Variants in SUPT3H observed in about 807,000 individuals in gnomAD.
SUPT3H encodes transcription initiation protein SPT3 homolog.
Under a neutral mutation model 44.3 loss-of-function variants are expected in SUPT3H, and 44 were observed. The observed-to-expected ratio is 0.99, with a 90% CI of 0.78 to 1.28. The LOEUF is 1.28. SUPT3H is among the 50% of genes most tolerant of loss of function. The pLI is 0.00. For missense variants in SUPT3H, 380 were observed against 387.1 expected, an observed-to-expected ratio of 0.98 and a Z score of 0.15; for synonymous variants, 124 against 125.6, an observed-to-expected ratio of 0.99 and a Z score of 0.09.
At chr6:44,892,080 T>C (rs867167785) in intron 10 of SUPT3H, among the ~76,000 whole-genome samples, 1 of 152,138 alleles carries the variant, frequency 6.6e-6, no homozygotes, top group Non-Finnish European at 1.5e-5. Flanking sequence ...AGATAGTGAG[T>C]ACAAACCATC....
intron 10 of SUPT3H, among the ~76,000 whole-genome samples, chr6:44,841,714 T>C (rs905400960): frequency 2.6e-5 from 4 of 152,210 alleles, no homozygotes; most frequent in African/African-American, 9.7e-5. Flanking sequence ...TTAATGCATC[T>C]TTGGGTCTGC....
In SUPT3H at chr6:45,373,403, T is replaced by A. The variant is rs548142033; in HGVS notation, c.-1+4365A>T. Among the ~76,000 whole-genome samples the A allele has an allele frequency of 2.0e-5, 3 of 152,284 alleles. No homozygotes were observed. In the South Asian group the frequency reaches 6.2e-4, roughly 32 times the overall value. ...CCTATTAGGTGGGAATATGTTTGGA[T>A]AAATGAGATACAACGGAAGGAACAC... On this transcript the variant is annotated intron_variant, in intron 1 of 10. Transcript: ENST00000371459.
chr6:44,866,764 A>G (rs1332027027), intron 10 of SUPT3H, among the ~76,000 whole-genome samples: 1 of 151,830 alleles, frequency 6.6e-6, no homozygotes, highest in Non-Finnish European at 1.5e-5. Flanking sequence ...ACAGCCTTCA[A>G]TGGCTACTTG....
At chr6:44,900,972 G>C (rs556728194) in intron 10 of SUPT3H, among the ~76,000 whole-genome samples, 2 of 152,168 alleles carry the variant, frequency 1.3e-5, no homozygotes, top group African/African-American at 4.8e-5. Flanking sequence ...CTGACTGTTA[G>C]AAGGAAAACT....
At chr6:45,114,330 T>C (rs1322362053) in intron 2 of SUPT3H, among the ~76,000 whole-genome samples, 1 of 151,184 alleles carries the variant, frequency 6.6e-6, no homozygotes, top group African/African-American at 2.4e-5. Context: ...ACAATATAAC[T>C]AATGAATTAC....
chr6:45,359,140 A>C (rs1793793041), intron 2 of SUPT3H, among the ~76,000 whole-genome samples: 2 of 152,182 alleles, frequency 1.3e-5, no homozygotes, highest in Admixed American at 1.3e-4. Flanking sequence ...TCATGAGAGA[A>C]TTGATAGTAA....
chr6:45,289,764 GGATGA>G (rs1780000367), intron 2 of SUPT3H, among the ~76,000 whole-genome samples: 2 of 152,302 alleles, frequency 1.3e-5, no homozygotes, highest in South Asian at 4.1e-4. Context: ...TCACAGGTAA[GGATGA>G]GATATTTACT....
chr6:45,249,955 C>T (rs989710962), intron 2 of SUPT3H, among the ~76,000 whole-genome samples: 1 of 152,044 alleles, frequency 6.6e-6, no homozygotes, highest in Non-Finnish European at 1.5e-5. Flanking sequence ...GCTTATAAAC[C>T]CTAGACAAAA....
At chr6:45,131,350 T>C (rs1325731707) in intron 2 of SUPT3H, among the ~76,000 whole-genome samples, 1 of 152,188 alleles carries the variant, frequency 6.6e-6, no homozygotes, top group Non-Finnish European at 1.5e-5. Flanking sequence ...AAATTAAAAA[T>C]CTATTCACTC....
intron 2 of SUPT3H, among the ~76,000 whole-genome samples, chr6:45,265,535 A>C (rs1013717888): frequency 6.6e-6 from 1 of 152,118 alleles, no homozygotes; most frequent in Admixed American, 6.6e-5. Context: ...CCTTGAGCTA[A>C]GCCAAGAAAA....
In SUPT3H at chr6:45,054,623, ATC is replaced by A. The variant is rs540369824; in HGVS notation, c.187-33993_187-33992del. ...CTTGCAATAAGTGAGGAAAAGATAA[ATC>A]TTTTCTGCCACTATGTAGCCATTGG... On this transcript the variant is annotated intron_variant, in intron 3 of 10. Transcript: ENST00000371459. Among the ~76,000 whole-genome samples, 596 of 152,294 alleles carry A rather than the reference ATC, an allele frequency of 3.9e-3. 7 individuals carry two copies. The highest frequency in any genetic ancestry group is 0.014 in the African/African-American group (568 of 41,564).
chr6:45,076,965 C>T (rs1302974883), intron 3 of SUPT3H, among the ~76,000 whole-genome samples: 1 of 152,064 alleles, frequency 6.6e-6, no homozygotes, highest in Non-Finnish European at 1.5e-5. Flanking sequence ...TTTTTAATCT[C>T]CCTTTGTTCC....
intron 2 of SUPT3H, among the ~76,000 whole-genome samples, chr6:45,290,558 CT>C (rs1780154561): frequency 6.6e-6 from 1 of 151,732 alleles, no homozygotes; most frequent in Non-Finnish European, 1.5e-5. Flanking sequence ...CTATATACTC[CT>C]TTAAACATCA....
chr6:45,204,768 G>C (rs889959152), intron 2 of SUPT3H, among the ~76,000 whole-genome samples: 2 of 152,080 alleles, frequency 1.3e-5, no homozygotes, highest in Non-Finnish European at 2.9e-5. Context: ...TAATAACTCA[G>C]GCTGAAACCC....
At chr6:45,365,840 G>C (rs1049211198) in intron 1 of SUPT3H, among the ~76,000 whole-genome samples, 1 of 150,908 alleles carries the variant, frequency 6.6e-6, no homozygotes, top group African/African-American at 2.4e-5. Context: ...TTGAACAAAA[G>C]CCTAAAATAC....
intron 3 of SUPT3H, among the ~76,000 whole-genome samples, chr6:45,039,105 G>C (rs1166657018): frequency 1.3e-5 from 2 of 151,976 alleles, no homozygotes; most frequent in Non-Finnish European, 2.9e-5. Context: ...CTTTGGAAGG[G>C]CACAGAAAAA....
intron 10 of SUPT3H, among the ~76,000 whole-genome samples, chr6:44,907,219 T>C (rs900551295): frequency 6.6e-6 from 1 of 152,250 alleles, no homozygotes; most frequent in Admixed American, 6.5e-5. Context: ...TCACTATATT[T>C]AATCTGAGTA....
chr6:45,225,280 A>T (rs1164858555), intron 2 of SUPT3H, among the ~76,000 whole-genome samples: 5 of 2,712 alleles, frequency 1.8e-3, no homozygotes, highest in Non-Finnish European at 3.2e-3. Flanking sequence ...ACTCCATCTA[A>T]AAAAAAAAAA....
chr6:45,245,157 T>C (rs1264513619), intron 2 of SUPT3H, among the ~76,000 whole-genome samples: 2 of 152,120 alleles, frequency 1.3e-5, no homozygotes, highest in African/African-American at 2.4e-5. Context: ...ATATTTCACA[T>C]GTTTTTTCAA....
Sources: gnomAD v4.1 joint callset for allele counts (sites outside exome capture counted in the v4.1 genomes callset) on GRCh38, gnomAD v4.1.1 for gene constraint, MANE v1.5 for transcripts, NCBI Gene and HGNC (gene_info 2026-07-23, HGNC 2026-07-21) for gene names.